The following MACROD2 variants were observed in gnomAD, a reference collection of about 807,000 sequenced individuals.
The protein encoded by MACROD2 is mono-ADP ribosylhydrolase 2.
In MACROD2, 36 loss-of-function variants were observed where a neutral mutation model predicts 70.4. The ratio of observed to expected loss-of-function variants is 0.51; its 90% CI spans 0.39 to 0.68. MACROD2 has a LOEUF of 0.68. Ranked by LOEUF, MACROD2 falls within the 30% of genes least tolerant of loss-of-function variation. MACROD2 has a pLI of 0.00. For synonymous variants in MACROD2, 172 were observed against 178.8 expected (o/e 0.96, Z 0.30); for missense variants, 496 against 538.4 (o/e 0.92, Z 0.78).
intron 4 of MACROD2, among the ~76,000 whole-genome samples, chr20:14,552,058 A>T (rs1198890676): frequency 6.6e-6 from 1 of 151,968 alleles, no homozygotes; most frequent in East Asian, 1.9e-4. Context: ...TATGCTTTTT[A>T]TCCTTTTCCT....
intron 12 of MACROD2, among the ~76,000 whole-genome samples, chr20:15,950,600 G>C (rs1230419295): frequency 6.6e-6 from 1 of 152,162 alleles, no homozygotes; most frequent in Admixed American, 6.5e-5. Context: ...GCACGTCATT[G>C]TATTTTGACT....
At chr20:16,036,289 G>GCTCC (rs2067235526) in intron 15 of MACROD2, among the ~76,000 whole-genome samples, 7 of 150,730 alleles carry the variant, frequency 4.6e-5, no homozygotes, top group South Asian at 4.2e-4. Flanking sequence ...TCCTCCCCCG[G>GCTCC]CCAGCATCTC....
chr20:14,708,696 C>T (rs2071299703), intron 5 of MACROD2, among the ~76,000 whole-genome samples: 1 of 152,204 alleles, frequency 6.6e-6, no homozygotes, highest in Non-Finnish European at 1.5e-5. Flanking sequence ...CTGCTCAATG[C>T]AACCTCCCCC....
At chr20:14,603,129 A>G (rs371136991) in intron 4 of MACROD2, among the ~76,000 whole-genome samples, 2 of 152,310 alleles carry the variant, frequency 1.3e-5, no homozygotes, top group African/African-American at 4.8e-5. Context: ...AAGAGACTGT[A>G]AAGTGTTACT....
chr20:15,759,509 T>C (rs1392632871), intron 8 of MACROD2, among the ~76,000 whole-genome samples: 1 of 152,218 alleles, frequency 6.6e-6, no homozygotes, highest in African/African-American at 2.4e-5. Flanking sequence ...ATTGTGCAAT[T>C]ACATGTTCAC....
At chr20:14,734,280 T>C (rs1163993187) in intron 5 of MACROD2, among the ~76,000 whole-genome samples, 1 of 151,888 alleles carries the variant, frequency 6.6e-6, no homozygotes, top group African/African-American at 2.4e-5. Flanking sequence ...AGGCGGATCA[T>C]GAGGTCAGGA....
At chr20:14,155,714 A>G (rs2055092887) in intron 3 of MACROD2, among the ~76,000 whole-genome samples, 1 of 152,134 alleles carries the variant, frequency 6.6e-6, no homozygotes. Flanking sequence ...TGTTGTGGTT[A>G]AACTCATTTT....
intron 8 of MACROD2, among the ~76,000 whole-genome samples, chr20:15,547,235 A>G (rs943679568): frequency 2.0e-5 from 3 of 152,214 alleles, no homozygotes; most frequent in African/African-American, 7.2e-5. Context: ...ATGTCAGTAC[A>G]TGGTGGAGGT....
chr20:14,879,910 T>C (rs780012448), intron 5 of MACROD2, among the ~76,000 whole-genome samples: 5 of 152,214 alleles, frequency 3.3e-5, no homozygotes. Context: ...CCTTCAAAGC[T>C]ACAAAGTCTA....
chr20:15,047,697 T>G (rs1187058705), intron 5 of MACROD2, among the ~76,000 whole-genome samples: 1 of 152,164 alleles, frequency 6.6e-6, no homozygotes, highest in East Asian at 1.9e-4. Flanking sequence ...CTCTTCTGAT[T>G]GGACAGAGTT....
intron 5 of MACROD2, among the ~76,000 whole-genome samples, chr20:15,088,447 ATAT>A (rs1568567470): frequency 9.2e-4 from 69 of 75,402 alleles, no homozygotes; most frequent in Admixed American, 2.8e-3. Flanking sequence ...ATATATATAT[ATAT>A]AATATTTTGT....
intron 8 of MACROD2, among the ~76,000 whole-genome samples, chr20:15,605,750 G>C (rs1038153802): frequency 1.3e-5 from 2 of 152,118 alleles, no homozygotes; most frequent in African/African-American, 4.8e-5. Context: ...GTGTGTCTTA[G>C]TCCATATTTT....
At chr20:15,497,360 T>G (rs1036434074) in intron 7 of MACROD2, among the ~76,000 whole-genome samples, 4 of 152,104 alleles carry the variant, frequency 2.6e-5, no homozygotes, top group Non-Finnish European at 5.9e-5. Flanking sequence ...TGGCATAATC[T>G]TGGCTCACTG....
intron 2 of MACROD2, among the ~76,000 whole-genome samples, chr20:14,028,817 T>C (rs2053212774): frequency 6.6e-6 from 1 of 152,178 alleles, no homozygotes; most frequent in Admixed American, 6.5e-5. Flanking sequence ...TTGATCTCGC[T>C]GGGGGCTGCA....
Position 15,610,128 on chromosome 20 carries a change from A to G in MACROD2, c.645+110281A>G, listed in dbSNP as rs572433662. Among the ~76,000 whole-genome samples, 32 of 152,334 alleles carry G rather than the reference A, an allele frequency of 2.1e-4. No homozygotes were observed. In the South Asian group the frequency reaches 5.8e-3, roughly 28 times the overall value. ...CTTAACGTAAACTGCTCCCTAGCTC[A>G]TATATCAAACATGAAGTGGGTAGAT... On this transcript the variant is annotated intron_variant, in intron 8 of 17. Transcript: ENST00000684519.
chr20:15,152,067 G>T (rs1375978970), intron 5 of MACROD2, among the ~76,000 whole-genome samples: 1 of 151,958 alleles, frequency 6.6e-6, no homozygotes, highest in African/African-American at 2.4e-5. Context: ...GTAAAAGAAT[G>T]CCTGGACGTC....
At chr20:15,403,267 C>A (rs2045954403) in intron 6 of MACROD2, among the ~76,000 whole-genome samples, 2 of 152,222 alleles carry the variant, frequency 1.3e-5, no homozygotes, top group African/African-American at 4.8e-5. Flanking sequence ...CGCGTCTCAC[C>A]TTAAGAAGTT....
At chr20:15,099,779 A>G (rs988210334) in intron 5 of MACROD2, among the ~76,000 whole-genome samples, 4 of 152,126 alleles carry the variant, frequency 2.6e-5, no homozygotes, top group Admixed American at 2.0e-4. Flanking sequence ...TAGAAAGAAG[A>G]TAGGAGAGGT....
At chr20:14,479,742 A>G (rs550634239) in intron 3 of MACROD2, among the ~76,000 whole-genome samples, 36 of 152,326 alleles carry the variant, frequency 2.4e-4, no homozygotes, top group African/African-American at 8.4e-4. Context: ...AGAATTTTGC[A>G]AAATAGAATA....
Sources: allele counts gnomAD v4.1 joint callset (sites outside exome capture counted in the v4.1 genomes callset), GRCh38; gene constraint gnomAD v4.1.1; transcripts MANE v1.5; gene names NCBI Gene and HGNC (gene_info 2026-07-23, HGNC 2026-07-21).